The following SDR42E2 variants were observed in gnomAD, a reference collection of about 807,000 sequenced individuals.
SDR42E2 encodes short chain dehydrogenase/reductase family 42E, member 2, also known as putative short-chain dehydrogenase/reductase family 42E member 2.
Under a neutral mutation model 10.5 loss-of-function variants are expected in SDR42E2, and 20 were observed. That is an observed-to-expected ratio of 1.90 (90% confidence interval 1.34 to 2.77). SDR42E2 has a LOEUF of 2.77. Among genes scored for constraint, SDR42E2 ranks in the 30% most tolerant of loss-of-function variants. The pLI is 0.00. For missense variants in SDR42E2, 162 were observed against 104.2 expected, an observed-to-expected ratio of 1.55 and a Z score of -2.42; for synonymous variants, 72 against 39.2, an observed-to-expected ratio of 1.84 and a Z score of -3.12.
intron 7 of SDR42E2, among the ~76,000 whole-genome samples, chr16:22,175,541 T>TTTTTA (rs2046637438): frequency 8.4e-6 from 1 of 119,710 alleles, no homozygotes; most frequent in African/African-American, 4.6e-5. Flanking sequence ...CACTCCTTCC[T>TTTTTA]TTTTTTTTTT....
Position 22,190,783 on chromosome 16 carries a change from C to G in SDR42E2, c.*390C>G. On this transcript the variant is annotated 3_prime_UTR_variant, in exon 13 of 13. Coordinates refer to ENST00000602312, the MANE Select transcript of SDR42E2 (RefSeq NM_001394319.2). ...CCCTTGACCCGCCCTTCAAATTGGG[C>G]ACGCCTTCTTCCCCGCTCACTGATT... 1 of 191,728 alleles carries G rather than the reference C, an allele frequency of 5.2e-6. No individual in the cohort carries two copies. Among genetic ancestry groups the G allele is most frequent in the Non-Finnish European group, 1.1e-5 (1 of 94,384 alleles). 11.9% of individuals were successfully genotyped at this position (191,728 alleles called of 1,614,324 possible).
intron 8 of SDR42E2, among the ~76,000 whole-genome samples, chr16:22,180,486 A>G (rs2046683507): frequency 6.6e-6 from 1 of 152,038 alleles, no homozygotes; most frequent in Non-Finnish European, 1.5e-5. Context: ...AGATTGGTTG[A>G]GCCCAGGAGT....
chr16:22,163,083 T>C (rs1479071613), intron 1 of SDR42E2, among the ~76,000 whole-genome samples: 1 of 152,174 alleles, frequency 6.6e-6, no homozygotes, highest in Non-Finnish European at 1.5e-5. Context: ...TTCTGGCGTC[T>C]GTTTTCTCAT....
chr16:22,190,300 G>C lies in SDR42E2; in HGVS notation c.1176G>C (p.Leu392=), dbSNP rs1198280773. The C allele has an allele frequency of 2.5e-6, 1 of 401,902 alleles. No homozygotes were observed. Among genetic ancestry groups the C allele is most frequent in the Non-Finnish European group, 4.4e-6 (1 of 226,856 alleles). The allele number at this position is 401,902 out of a possible 1,614,324, so 24.9% of individuals were successfully genotyped here. A position where few individuals can be genotyped will look rare whatever the true frequency, so the allele number is the denominator to read the frequency against. Residue 392 remains leucine (L), a synonymous_variant, in exon 13 of 13, where the codon CTG becomes CTC. Transcript: ENST00000602312. ...CCACGGCGCGGACCCTCCTGCGCCT[G>C]CTGCTCAGGCTGCTGCTGTTCCTCG... is the stretch of plus-strand genomic sequence containing the variant. The part of the protein sequence containing the change: ...RGSTARTLLR[L]LLRLLLFLGL...
chr16:22,187,326 G>C (rs1440267133), intron 12 of SDR42E2, among the ~76,000 whole-genome samples: 1 of 152,140 alleles, frequency 6.6e-6, no homozygotes, highest in African/African-American at 2.4e-5. Flanking sequence ...GAGCTCAAGA[G>C]ATCCTCTTGG....
At chr16:22,186,244 T>G (rs2046735919) in intron 11 of SDR42E2, among the ~76,000 whole-genome samples, 1 of 152,032 alleles carries the variant, frequency 6.6e-6, no homozygotes, top group Non-Finnish European at 1.5e-5. Flanking sequence ...TCTTATTATG[T>G]TGCCCAGCCT....
At chr16:22,180,383 C>T (rs1289240517) in intron 8 of SDR42E2, among the ~76,000 whole-genome samples, 1 of 151,506 alleles carries the variant, frequency 6.6e-6, no homozygotes, top group Non-Finnish European at 1.5e-5. Context: ...CTGGGTGACA[C>T]AGGGAGACTC....
intron 8 of SDR42E2, among the ~76,000 whole-genome samples, chr16:22,180,824 T>C (rs2046686383): frequency 6.6e-6 from 1 of 152,058 alleles, no homozygotes; most frequent in Non-Finnish European, 1.5e-5. Flanking sequence ...CTGGCCAACA[T>C]GGTGAAACCC....
At chr16:22,168,898 G>C (rs770960062) in intron 4 of SDR42E2, among the ~76,000 whole-genome samples, 1 of 151,994 alleles carries the variant, frequency 6.6e-6, no homozygotes, top group Non-Finnish European at 1.5e-5. Flanking sequence ...AATAAATATA[G>C]CTTAAAAATA....
chr16:22,185,069 C>A (rs1406121686), intron 11 of SDR42E2, among the ~76,000 whole-genome samples: 1 of 152,100 alleles, frequency 6.6e-6, no homozygotes, highest in Non-Finnish European at 1.5e-5. Flanking sequence ...ATCCTAGATT[C>A]TCCTCCTGTC....
At chr16:22,187,203 T>C (rs949792459) in intron 12 of SDR42E2, among the ~76,000 whole-genome samples, 11 of 152,194 alleles carry the variant, frequency 7.2e-5, no homozygotes, top group African/African-American at 1.9e-4. Context: ...CCTAGGCTCA[T>C]AGTTCATGCT....
At chr16:22,185,534 T>TA (rs1293201727) in intron 11 of SDR42E2, among the ~76,000 whole-genome samples, 1 of 152,142 alleles carries the variant, frequency 6.6e-6, no homozygotes, top group Non-Finnish European at 1.5e-5. Flanking sequence ...GCTTTTAAAA[T>TA]AGAGAAATGT....
intron 10 of SDR42E2, among the ~76,000 whole-genome samples, chr16:22,182,699 A>G (rs1334543501): frequency 1.3e-5 from 2 of 152,092 alleles, no homozygotes; most frequent in African/African-American, 2.4e-5. Context: ...AGAAGATTTC[A>G]CGTCAAAAAC....
Position 22,191,222 on chromosome 16 carries a change from C to G in SDR42E2, c.*829C>G, listed in dbSNP as rs941435152. The G allele has an allele frequency of 6.5e-6, 1 of 153,512 alleles. No individual in the cohort carries two copies. Among genetic ancestry groups the G allele is most frequent in the Non-Finnish European group, 1.5e-5 (1 of 68,818 alleles). 9.5% of individuals were successfully genotyped at this position (153,512 alleles called of 1,614,324 possible). A position where few individuals can be genotyped will look rare whatever the true frequency, so the allele number is the denominator to read the frequency against. ...GATTCTCCCTCATTCTGGTTTCGCC[C>G]CCTTTCTGGTCCTCCCCGCGCGCTT... is the stretch of plus-strand genomic sequence containing the variant. On this transcript the variant is annotated 3_prime_UTR_variant, in exon 13 of 13. Transcript: ENST00000602312.
At chr16:22,189,973 C>CT (rs1462976174) in intron 12 of SDR42E2, among the ~76,000 whole-genome samples, 166 bp from the exon 13 acceptor site, 1 of 152,192 alleles carries the variant, frequency 6.6e-6, no homozygotes, top group Admixed American at 6.5e-5. Flanking sequence ...GAAGACCTCT[C>CT]TAATGAGGGC....
At chr16:22,175,990 TAAAA>T (rs879892114) in intron 7 of SDR42E2, among the ~76,000 whole-genome samples, 2 of 141,704 alleles carry the variant, frequency 1.4e-5, no homozygotes, top group Non-Finnish European at 3.1e-5. Context: ...AAGACTCTAT[TAAAA>T]AAAAAAAAAA....
In SDR42E2 at chr16:22,190,644, G is replaced by T. The variant is rs185104868; in HGVS notation, c.*251G>T. 3 of 361,454 alleles carry T rather than the reference G, an allele frequency of 8.3e-6. 1 individual carries two copies. The East Asian group carries it at 1.2e-4, about 14-fold the overall frequency. The allele number at this position is 361,454 out of a possible 1,614,324, so 22.4% of individuals were successfully genotyped here. On this transcript the variant is annotated 3_prime_UTR_variant, in exon 13 of 13. Coordinates refer to ENST00000602312, the MANE Select transcript of SDR42E2 (RefSeq NM_001394319.2). ...TGTGTTTTGGCCCCGCCCCTGTCCT[G>T]TCCCGCCCCGCCCTCCGAAGTGGGC... is the stretch of plus-strand genomic sequence containing the variant.
At chr16:22,182,009 A>G (rs1301118119) in intron 9 of SDR42E2, among the ~76,000 whole-genome samples, 2 of 152,158 alleles carry the variant, frequency 1.3e-5, no homozygotes, top group Non-Finnish European at 2.9e-5. Context: ...TGAAGTACAG[A>G]GAGGTTAAGC....
At position 22,186,782 on chromosome 16, in the gene SDR42E2, C is replaced by T. The variant is rs909326695; in HGVS notation, c.1002C>T (p.Leu334=). The T allele has an allele frequency of 5.0e-6, 2 of 400,156 alleles. No individual in the cohort carries two copies. Among genetic ancestry groups the T allele is most frequent in the African/African-American group, 4.1e-5 (2 of 48,196 alleles). The allele number at this position is 400,156 out of a possible 1,614,324, so 24.8% of individuals were successfully genotyped here. The change falls in exon 12 of 13, where the codon CTC becomes CTT. Residue 334 remains leucine (L), a synonymous_variant. Coordinates refer to ENST00000602312, the MANE Select transcript of SDR42E2 (RefSeq NM_001394319.2). ...LRPICSLPPL[L]TRSEVRSVAV... ...CCATCTGCAGCCTCCCACCGCTGCT[C>T]ACTCGTAGTGAGGTAAGTGGGCTGC...
Sources: allele counts gnomAD v4.1 joint callset (sites outside exome capture counted in the v4.1 genomes callset), GRCh38; gene constraint gnomAD v4.1.1; transcripts MANE v1.5; gene names NCBI Gene and HGNC (gene_info 2026-07-23, HGNC 2026-07-21).